The following SLMAP variants were observed in gnomAD, a reference collection of about 807,000 sequenced individuals.
SLMAP encodes the protein sarcolemmal membrane-associated protein.
A neutral mutation model predicts 128.8 loss-of-function variants in SLMAP; 44 were observed. That is an observed-to-expected ratio of 0.34 (90% CI 0.27 to 0.44). The LOEUF (loss-of-function observed/expected upper bound fraction) is 0.44, where lower values mean the gene tolerates loss of function less well. SLMAP is among the 20% of genes least tolerant of loss of function. The pLI is 1.00. For synonymous variants in SLMAP, 327 were observed against 348.8 expected, an observed-to-expected ratio of 0.94 and a Z score of 0.70; for missense variants, 787 against 985.3, an observed-to-expected ratio of 0.80 and a Z score of 2.69.
At chr3:57,859,510 G>A (rs904526336) in intron 8 of SLMAP, among the ~76,000 whole-genome samples, 5 of 152,022 alleles carry the variant, frequency 3.3e-5, no homozygotes, top group Admixed American at 2.0e-4. Flanking sequence ...AGTTATGATC[G>A]CAGAACTGCG....
intron 2 of SLMAP, among the ~76,000 whole-genome samples, chr3:57,775,873 A>C (rs558296924): frequency 1.2e-4 from 19 of 152,108 alleles, no homozygotes; most frequent in African/African-American, 4.6e-4. Flanking sequence ...TACTTTTTGT[A>C]TTTTTAGTAG....
At chr3:57,856,038 G>A (rs1409677337) in intron 6 of SLMAP, among the ~76,000 whole-genome samples, 3 of 150,434 alleles carry the variant, frequency 2.0e-5, no homozygotes, top group Non-Finnish European at 4.4e-5. Flanking sequence ...GAGAGACTTC[G>A]TCTCAGAAAA....
At chr3:57,891,254 C>T (rs941559862) in intron 15 of SLMAP, 56 of 149,768 alleles carry the variant, frequency 3.7e-4, no homozygotes, top group African/African-American at 1.3e-3. Context: ...GCTATCTTAT[C>T]ACTTATATTT....
At chr3:57,808,601 G>A (rs1391464722) in intron 2 of SLMAP, among the ~76,000 whole-genome samples, 1 of 152,200 alleles carries the variant, frequency 6.6e-6, no homozygotes, top group South Asian at 2.1e-4. Flanking sequence ...TAATTTGATT[G>A]CGCTGTGGCC....
intron 22 of SLMAP, 133 bp downstream of exon 22, chr3:57,917,210 T>G: frequency 3.9e-6 from 6 of 1,530,952 alleles, no homozygotes; most frequent in Non-Finnish European, 5.3e-6. Flanking sequence ...ACTTGGAACA[T>G]CTCTGCTTGG....
intron 2 of SLMAP, among the ~76,000 whole-genome samples, chr3:57,782,725 G>A (rs1391987867): frequency 6.6e-6 from 1 of 152,122 alleles, no homozygotes; most frequent in Non-Finnish European, 1.5e-5. Flanking sequence ...TGTCCACCTT[G>A]GCCTCCCAAA....
intron 2 of SLMAP, among the ~76,000 whole-genome samples, chr3:57,769,199 T>G (rs898459067): frequency 1.8e-4 from 27 of 152,236 alleles, no homozygotes; most frequent in African/African-American, 6.0e-4. Flanking sequence ...CATTTTATTT[T>G]ATTTTTTTTT....
intron 2 of SLMAP, among the ~76,000 whole-genome samples, chr3:57,798,767 A>G (rs1039106090): frequency 1.3e-5 from 2 of 152,182 alleles, no homozygotes; most frequent in East Asian, 3.8e-4. Context: ...ATTGAAATTC[A>G]CTTTTGGAAC....
intron 14 of SLMAP, among the ~76,000 whole-genome samples, chr3:57,884,666 G>A (rs997571961): frequency 6.6e-6 from 1 of 152,086 alleles, no homozygotes; most frequent in South Asian, 2.1e-4. Flanking sequence ...AGAATCAGCC[G>A]GGCATGGTGG....
rs1442442741 is a variant in SLMAP, at chr3:57,771,170, TCCCCTCC to T, written c.198+13324_198+13330del. ...TCCCCTCCCCTCCCCTCCCCTCCCCTCCCCTCCCCTCTCCTCTCCTCCCTTCTCTTTC... is the reference window on the plus strand; with the variant it reads ...TCCCCTCCCCTCCCCTCCCCTCCCCTCCTCTCCTCTCCTCCCTTCTCTTTC... On this transcript the variant is annotated intron_variant, in intron 2 of 24. Transcript: ENST00000671191. Among the ~76,000 whole-genome samples the T allele has an allele frequency of 3.6e-3, 259 of 71,890 alleles. 12 individuals are homozygous for T. The East Asian group carries it at 0.074, about 21-fold the overall frequency. The allele number at this position is 71,890 out of a possible 152,430, so 47.2% of individuals were successfully genotyped here.
intron 3 of SLMAP, among the ~76,000 whole-genome samples, chr3:57,833,372 A>G (rs1297883565): frequency 2.0e-5 from 3 of 152,192 alleles, no homozygotes; most frequent in Non-Finnish European, 4.4e-5. Flanking sequence ...GAAAGCTAAG[A>G]AGATGACCCT....
At chr3:57,785,801 C>G (rs527639760) in intron 2 of SLMAP, among the ~76,000 whole-genome samples, 4 of 152,214 alleles carry the variant, frequency 2.6e-5, no homozygotes, top group African/African-American at 7.2e-5. Flanking sequence ...TATATAAAGA[C>G]CAGGTCACAA....
At chr3:57,809,739 C>T (rs984254338) in intron 2 of SLMAP, among the ~76,000 whole-genome samples, 13 of 152,130 alleles carry the variant, frequency 8.5e-5, no homozygotes, top group Non-Finnish European at 5.9e-5. Flanking sequence ...CTCTGAAGCC[C>T]GTAAAAGCCT....
chr3:57,792,159 C>T (rs1326768206), intron 2 of SLMAP, among the ~76,000 whole-genome samples: 1 of 151,694 alleles, frequency 6.6e-6, no homozygotes, highest in Non-Finnish European at 1.5e-5. Context: ...TAGATGCGAC[C>T]TTCTTAGTGA....
rs566162479 is a variant in SLMAP, at chr3:57,916,833, T to C, written c.2139-73T>C. ...CCACTCTATCCCTTCTAGTGAAATG[T>C]ATAAGAAACTGGACTTCCTTCTGTG... On this transcript the variant is annotated intron_variant, in intron 21 of 24. Coordinates refer to ENST00000671191, the MANE Select transcript of SLMAP (RefSeq NM_001377540.1). 2.6e-4 allele frequency: 319 copies of C among 1,204,614 alleles called. No homozygotes were observed. The Middle Eastern group carries it at 5.3e-3, about 20-fold the overall frequency. 74.6% of individuals were successfully genotyped at this position (1,204,614 alleles called of 1,614,324 possible).
intron 2 of SLMAP, among the ~76,000 whole-genome samples, chr3:57,796,280 G>A (rs548885378): frequency 1.3e-5 from 2 of 152,200 alleles, no homozygotes; most frequent in African/African-American, 4.8e-5. Flanking sequence ...GGGATGTTTA[G>A]TAAAATAAAA....
chr3:57,770,823 G>A (rs1361719747), intron 2 of SLMAP, among the ~76,000 whole-genome samples: 1 of 151,960 alleles, frequency 6.6e-6, no homozygotes, highest in Non-Finnish European at 1.5e-5. Context: ...TTTTTTGGTT[G>A]GTGTGTTTGT....
At chr3:57,780,780 A>G (rs1202520460) in intron 2 of SLMAP, among the ~76,000 whole-genome samples, 1 of 151,240 alleles carries the variant, frequency 6.6e-6, no homozygotes, top group Non-Finnish European at 1.5e-5. Context: ...CGTGGCTGGG[A>G]CTGTAGGCAC....
At chr3:57,772,883 G>T (rs929461360) in intron 2 of SLMAP, among the ~76,000 whole-genome samples, 1 of 152,042 alleles carries the variant, frequency 6.6e-6, no homozygotes, top group African/African-American at 2.4e-5. Context: ...TAGGTGATCC[G>T]CCCGCCTCGG....
Sources: allele counts gnomAD v4.1 joint callset (sites outside exome capture counted in the v4.1 genomes callset), GRCh38; gene constraint gnomAD v4.1.1; transcripts MANE v1.5; gene names NCBI Gene and HGNC (gene_info 2026-07-23, HGNC 2026-07-21).